PDE10A: variants seen among roughly 807,000 people sequenced by gnomAD.
The protein encoded by PDE10A is phosphodiesterase 10A.
PDE10A carries 39 observed loss-of-function variants against 97.7 expected under a neutral mutation model. The ratio of observed to expected loss-of-function variants is 0.40; its 90% CI spans 0.31 to 0.52. PDE10A has a LOEUF of 0.52. PDE10A is among the 20% of genes least tolerant of loss of function. The probability of loss-of-function intolerance (pLI) is 0.56; values close to 1 mark genes in which losing one functional copy is unlikely to be tolerated. For synonymous variants in PDE10A, 371 were observed against 376.8 expected, an observed-to-expected ratio of 0.98 and a Z score of 0.18; for missense variants, 731 against 1,047.8, an observed-to-expected ratio of 0.70 and a Z score of 4.17.
At chr6:165,789,729 A>G (rs6906795) in intron 1 of PDE10A, among the ~76,000 whole-genome samples, 98,465 of 152,066 alleles carry the variant, frequency 0.65, 32,096 homozygotes, top group African/African-American at 0.73. Flanking sequence ...GCTTTCAGTC[A>G]TTGAAAATGT....
intron 1 of PDE10A, among the ~76,000 whole-genome samples, chr6:165,608,905 G>C (rs1787357630): frequency 6.6e-6 from 1 of 152,178 alleles, no homozygotes; most frequent in Non-Finnish European, 1.5e-5. Flanking sequence ...CTGCATAAAT[G>C]TCTTCTTTTG....
At chr6:165,719,882 A>C (rs1008279507) in intron 1 of PDE10A, among the ~76,000 whole-genome samples, 1 of 152,226 alleles carries the variant, frequency 6.6e-6, no homozygotes, top group African/African-American at 2.4e-5. Flanking sequence ...CAAGTACCCT[A>C]TTTGGCTCAG....
chr6:165,419,406 C>T (rs1039787939), intron 10 of PDE10A, among the ~76,000 whole-genome samples: 2 of 152,184 alleles, frequency 1.3e-5, no homozygotes, highest in African/African-American at 4.8e-5. Context: ...CTGCTCCTCA[C>T]AATAACAATA....
intron 1 of PDE10A, among the ~76,000 whole-genome samples, chr6:165,765,346 C>G (rs189509179): frequency 0.14 from 16,494 of 115,610 alleles, 995 homozygotes; most frequent in South Asian, 0.24. Flanking sequence ...GGCGGCGCTC[C>G]TCGGGGAGGC....
chr6:165,888,773 A>G (rs1781700813), intron 1 of PDE10A, among the ~76,000 whole-genome samples: 2 of 152,270 alleles, frequency 1.3e-5, no homozygotes, highest in Admixed American at 6.5e-5. Context: ...TATGGAGGAT[A>G]GAGTGATAGG....
At chr6:165,594,077 C>T (rs747171788) in intron 1 of PDE10A, among the ~76,000 whole-genome samples, 2 of 152,158 alleles carry the variant, frequency 1.3e-5, no homozygotes, top group Non-Finnish European at 2.9e-5. Context: ...TATAACTCAT[C>T]ATTTAAATAT....
intron 1 of PDE10A, among the ~76,000 whole-genome samples, chr6:165,880,153 G>T (rs914494719): frequency 6.6e-6 from 1 of 152,186 alleles, no homozygotes; most frequent in African/African-American, 2.4e-5. Context: ...GAGCCCAGGT[G>T]CTTGAGTCAG....
chr6:165,902,263 T>C (rs1328937574), intron 1 of PDE10A, among the ~76,000 whole-genome samples: 1 of 152,234 alleles, frequency 6.6e-6, no homozygotes, highest in Non-Finnish European at 1.5e-5. Context: ...TTCTCAGAGA[T>C]CTGCAAACAG....
chr6:165,418,125 C>T lies in PDE10A; in HGVS notation c.1796+510G>A, dbSNP rs1233661498. On this transcript the variant is annotated intron_variant, in intron 11 of 21. Coordinates refer to ENST00000539869, the MANE Select transcript of PDE10A (RefSeq NM_001385079.1). The surrounding 1 kb of genome is among the most constrained non-coding windows in gnomAD (Gnocchi z 4.8). Reference sequence around the variant, plus strand: ...CGGCTGCCACTTAAAAAAACAAAGACTTCAGTTTCAAGATGCAACACAGGT... The same window carrying T: ...CGGCTGCCACTTAAAAAAACAAAGATTTCAGTTTCAAGATGCAACACAGGT... Among the ~76,000 whole-genome samples, 1 of 152,248 alleles carries T rather than the reference C, an allele frequency of 6.6e-6. No individual in the cohort carries two copies. The highest frequency in any genetic ancestry group is 1.9e-4 in the East Asian group (1 of 5,184).
intron 1 of PDE10A, among the ~76,000 whole-genome samples, chr6:165,659,610 T>C (rs895306692): frequency 1.3e-5 from 2 of 152,210 alleles, no homozygotes; most frequent in Non-Finnish European, 2.9e-5. Flanking sequence ...CTCAGTCATG[T>C]CCCAAATAAG....
chr6:165,837,829 G>A (rs956661798), intron 1 of PDE10A, among the ~76,000 whole-genome samples: 20 of 151,930 alleles, frequency 1.3e-4, no homozygotes, highest in African/African-American at 4.8e-4. Context: ...GGGACTACAG[G>A]CGCCCGCCAC....
intron 1 of PDE10A, among the ~76,000 whole-genome samples, chr6:165,905,320 G>T (rs947304636): frequency 6.6e-6 from 1 of 152,136 alleles, no homozygotes; most frequent in African/African-American, 2.4e-5. Context: ...CATAGAGGTT[G>T]TTTAAATTAG....
At chr6:165,390,217 A>G (rs941969850) in intron 16 of PDE10A, among the ~76,000 whole-genome samples, 3 of 152,216 alleles carry the variant, frequency 2.0e-5, no homozygotes, top group African/African-American at 7.2e-5. Flanking sequence ...TTCGCAGGAA[A>G]ACCAAGAGTG....
chr6:165,330,060 C>G lies in PDE10A; in HGVS notation c.*2965G>C, dbSNP rs1344716645. The G allele has an allele frequency of 6.6e-6, 1 of 152,148 alleles. No individual in the cohort carries two copies. The highest frequency in any genetic ancestry group is 1.5e-5 in the Non-Finnish European group (1 of 68,006). The allele number at this position is 152,148 out of a possible 1,614,324, so 9.4% of individuals were successfully genotyped here. A position where few individuals can be genotyped will look rare whatever the true frequency, so the allele number is the denominator to read the frequency against. On this transcript the variant is annotated 3_prime_UTR_variant, in exon 22 of 22. Transcript: ENST00000539869. ...TGGCAGGCATTTATGTTTCCAAGGACATTTTTAGCTAAAAAACATATTCAC... is the reference window on the plus strand; with the variant it reads ...TGGCAGGCATTTATGTTTCCAAGGAGATTTTTAGCTAAAAAACATATTCAC...
chr6:165,836,479 A>G (rs1583168485), intron 1 of PDE10A, among the ~76,000 whole-genome samples: 1 of 152,204 alleles, frequency 6.6e-6, no homozygotes, highest in African/African-American at 2.4e-5. Context: ...CAGCTCTTCT[A>G]TTCCAAACAA....
intron 1 of PDE10A, among the ~76,000 whole-genome samples, chr6:165,886,689 T>G (rs573617492): frequency 6.6e-6 from 1 of 152,344 alleles, no homozygotes; most frequent in East Asian, 1.9e-4. Flanking sequence ...GGGGTTCAGA[T>G]TTACTCTGTG....
intron 1 of PDE10A, chr6:165,660,559 C>A (rs987045944): frequency 1.3e-5 from 2 of 152,486 alleles, no homozygotes; most frequent in Admixed American, 6.5e-5. Context: ...GGCGCGAATA[C>A]GCTCGCCAGC....
intron 3 of PDE10A, among the ~76,000 whole-genome samples, chr6:165,453,911 G>A (rs1777785491): frequency 1.3e-5 from 2 of 152,058 alleles, no homozygotes; most frequent in Non-Finnish European, 2.9e-5. Flanking sequence ...GCTCAGGCAT[G>A]AGACACCAAC....
intron 16 of PDE10A, among the ~76,000 whole-genome samples, chr6:165,390,039 T>C (rs1785577307): frequency 6.6e-6 from 1 of 152,200 alleles, no homozygotes; most frequent in Admixed American, 6.5e-5. Flanking sequence ...ATTGACTCAA[T>C]GTGTTAGTAA....
Sources: allele counts gnomAD v4.1 joint callset (sites outside exome capture counted in the v4.1 genomes callset), GRCh38; gene constraint gnomAD v4.1.1; non-coding constraint Gnocchi (gnomAD v3.1); transcripts MANE v1.5; gene names NCBI Gene and HGNC (gene_info 2026-07-23, HGNC 2026-07-21).